Variants in MLLT10 observed in about 807,000 individuals in gnomAD.
MLLT10 encodes the protein protein AF-10.
In MLLT10, 30 loss-of-function variants were observed where a neutral mutation model predicts 129.1. The ratio of observed to expected loss-of-function variants is 0.23; its 90% CI spans 0.17 to 0.32. The LOEUF is 0.32. Ranked by LOEUF, MLLT10 falls within the 10% of genes least tolerant of loss-of-function variation. MLLT10 has a pLI of 1.00. For synonymous variants in MLLT10, 490 were observed against 446.4 expected (o/e 1.10, Z -1.23); for missense variants, 1,119 against 1,268.3 (o/e 0.88, Z 1.79).
intron 3 of MLLT10, among the ~76,000 whole-genome samples, chr10:21,574,498 A>G (rs2040531434): frequency 6.6e-6 from 1 of 152,226 alleles, no homozygotes; most frequent in East Asian, 1.9e-4. Context: ...CATAGAGTAA[A>G]GTGAAAGCAA....
chr10:21,567,706 T>C (rs1169266591), intron 3 of MLLT10, among the ~76,000 whole-genome samples: 1 of 152,122 alleles, frequency 6.6e-6, no homozygotes, highest in Non-Finnish European at 1.5e-5. Context: ...GGGGCTAGGT[T>C]TTCTATGGTG....
rs1274026994 is a variant in MLLT10, at chr10:21,603,680, A to T, written c.405+8240A>T. On this transcript the variant is annotated intron_variant, in intron 5 of 22. Transcript: ENST00000307729. ...CAAACTGGGTGACTTGAAGCAGCAG[A>T]AATTTCTTCTTACAATTAAAGAGGC... Among the ~76,000 whole-genome samples the T allele has an allele frequency of 2.0e-5, 3 of 152,154 alleles. No individual in the cohort carries two copies. The East Asian group carries it at 5.8e-4, about 29-fold the overall frequency.
At chr10:21,546,393 A>T (rs1365649772) in intron 3 of MLLT10, among the ~76,000 whole-genome samples, 1 of 148,226 alleles carries the variant, frequency 6.7e-6, no homozygotes, top group Non-Finnish European at 1.5e-5. Flanking sequence ...AGGACATTTT[A>T]GATTGTAAAT....
chr10:21,625,061 C>A, intron 8 of MLLT10: 1 of 865,276 alleles, frequency 1.2e-6, no homozygotes, highest in Non-Finnish European at 1.9e-6. Flanking sequence ...ATGTGGTAAT[C>A]ATAACTGTAG....
chr10:21,702,456 T>C (rs1341027610), intron 13 of MLLT10, among the ~76,000 whole-genome samples: 1 of 152,222 alleles, frequency 6.6e-6, no homozygotes, highest in African/African-American at 2.4e-5. Context: ...GTCTAAAGTC[T>C]AGTTGGAGTC....
At chr10:21,555,606 CCTGT>C in intron 3 of MLLT10, among the ~76,000 whole-genome samples, 1 of 152,120 alleles carries the variant, frequency 6.6e-6, no homozygotes, top group East Asian at 1.9e-4. Context: ...ACTGTTTTGG[CCTGT>C]CTTTCGTGTT....
chr10:21,740,346 C>T, intron 22 of MLLT10, 110 bp downstream of exon 22: 6 of 1,258,812 alleles, frequency 4.8e-6, no homozygotes, highest in South Asian at 4.4e-5. Flanking sequence ...TTCTTAAAAC[C>T]AGTTGCTTTT....
chr10:21,684,180 C>G (rs545964026), intron 13 of MLLT10, among the ~76,000 whole-genome samples: 2 of 152,020 alleles, frequency 1.3e-5, no homozygotes, highest in East Asian at 3.9e-4. Context: ...CTGGCTAATA[C>G]ATTATTTTCT....
intron 9 of MLLT10, among the ~76,000 whole-genome samples, chr10:21,653,437 C>T (rs531591641): frequency 6.6e-6 from 1 of 152,262 alleles, no homozygotes; most frequent in African/African-American, 2.4e-5. Flanking sequence ...GTCAGATGAT[C>T]CCCTCCATCT....
chr10:21,555,411 C>G (rs1409927031), intron 3 of MLLT10, among the ~76,000 whole-genome samples: 5 of 151,308 alleles, frequency 3.3e-5, no homozygotes, highest in Admixed American at 3.3e-4. Flanking sequence ...TTAGTAGAGA[C>G]TGGGTTTTGC....
intron 3 of MLLT10, chr10:21,556,730 C>G (rs770905152): frequency 1.2e-6 from 2 of 1,612,058 alleles, no homozygotes; most frequent in Non-Finnish European, 8.5e-7. Context: ...ATCTCCCCAC[C>G]CCCGATGCCT....
chr10:21,612,349 C>T lies in MLLT10; in HGVS notation c.407C>T (p.Thr136Ile). The T allele has an allele frequency of 6.3e-7, 1 of 1,586,386 alleles. No individual in the cohort carries two copies. The highest frequency in any genetic ancestry group is 8.6e-7 in the Non-Finnish European group (1 of 1,162,300). ...QSVPHDRYNK[T>I]CYICDEQGRE... ...GTCTTTTTTTTTTTTAACCCCAAGACTTGCTACATTTGTGATGAACAAGGA... is the reference window on the plus strand; with the variant it reads ...GTCTTTTTTTTTTTTAACCCCAAGATTTGCTACATTTGTGATGAACAAGGA... Residue 136 changes from threonine to isoleucine, a missense_variant and splice_region_variant, in exon 6 of 23, where the codon ACT (threonine) becomes ATT (isoleucine). Transcript: ENST00000307729.
intron 14 of MLLT10, among the ~76,000 whole-genome samples, chr10:21,725,590 G>A (rs1564726546): frequency 3.3e-5 from 5 of 151,822 alleles, no homozygotes; most frequent in East Asian, 2.0e-4. Flanking sequence ...GCGTGGTGGC[G>A]GGCGCCTCCT....
At chr10:21,737,354 G>C (rs980820864) in intron 21 of MLLT10, among the ~76,000 whole-genome samples, 31 of 152,196 alleles carry the variant, frequency 2.0e-4, no homozygotes, top group African/African-American at 6.5e-4. Flanking sequence ...GGAAGGGGAA[G>C]CAGGAGGCAG....
intron 4 of MLLT10, among the ~76,000 whole-genome samples, chr10:21,587,003 A>G (rs1333980812): frequency 2.7e-5 from 4 of 149,770 alleles, no homozygotes; most frequent in African/African-American, 9.9e-5. Context: ...CTGTTGTTTT[A>G]GATTCTTTTT....
Position 21,673,937 on chromosome 10 carries a change from A to G in MLLT10, c.1621+18A>G, listed in dbSNP as rs757140197. ...TGGTTCAGGTAGGGGTTTGCCTATT[A>G]TTATTTTTCTCCTTCACTCCCACCA... On this transcript the variant is annotated intron_variant, in intron 11 of 22. Transcript: ENST00000307729. 5.2e-6 allele frequency: 8 copies of G among 1,533,766 alleles called. No individual in the cohort carries two copies. The South Asian group carries it at 1.0e-4, about 20-fold the overall frequency.
intron 8 of MLLT10, among the ~76,000 whole-genome samples, chr10:21,630,547 C>T (rs1321048016): frequency 6.6e-6 from 1 of 152,166 alleles, no homozygotes; most frequent in Non-Finnish European, 1.5e-5. Flanking sequence ...AGCAAACAGC[C>T]TTGGAAAACA....
intron 5 of MLLT10, among the ~76,000 whole-genome samples, chr10:21,602,677 C>G (rs1018142265): frequency 6.6e-6 from 1 of 151,602 alleles, no homozygotes; most frequent in African/African-American, 2.4e-5. Context: ...CCATGTAATC[C>G]ATTATGGTTT....
chr10:21,701,743 C>T (rs142923097), intron 13 of MLLT10, among the ~76,000 whole-genome samples: 290 of 151,560 alleles, frequency 1.9e-3, no homozygotes, highest in African/African-American at 6.3e-3. Flanking sequence ...TGTACCACCA[C>T]GCCTGGTTAA....
Sources: gnomAD v4.1 joint callset for allele counts (sites outside exome capture counted in the v4.1 genomes callset) on GRCh38, gnomAD v4.1.1 for gene constraint, MANE v1.5 for transcripts, NCBI Gene and HGNC (gene_info 2026-07-23, HGNC 2026-07-21) for gene names.